The following TRIM67 variants were observed in gnomAD, a reference collection of about 807,000 sequenced individuals.
TRIM67 encodes tripartite motif-containing protein 67.
Under a neutral mutation model 71.0 loss-of-function variants are expected in TRIM67, and 39 were observed. The observed-to-expected ratio is 0.55, with a 90% confidence interval of 0.43 to 0.72. The LOEUF is 0.72. TRIM67 is among the 30% of genes least tolerant of loss of function. The pLI, the probability that TRIM67 is intolerant of heterozygous loss-of-function variation, is 0.00. For missense variants in TRIM67, 973 were observed against 1,079.2 expected (o/e 0.90, Z 1.38); for synonymous variants, 481 against 473.9 (o/e 1.01, Z -0.19).
At chr1:231,197,596 C>G (rs570500629) in intron 2 of TRIM67, 130 bp downstream of exon 2, 49 of 707,342 alleles carry the variant, frequency 6.9e-5, no homozygotes, top group Non-Finnish European at 7.0e-5. Context: ...GAGGCCGAGG[C>G]GGGCAGATCA....
chr1:231,201,582 C>T, intron 5 of TRIM67, 65 bp downstream of exon 5: 1 of 1,546,378 alleles, frequency 6.5e-7, no homozygotes, highest in Non-Finnish European at 8.7e-7. Context: ...GTCTGAGGGG[C>T]CAGCTCGGTG....
At chr1:231,187,003 T>C (rs80273715) in intron 1 of TRIM67, among the ~76,000 whole-genome samples, 4,109 of 152,234 alleles carry the variant, frequency 0.027, 175 homozygotes, top group East Asian at 0.19. Flanking sequence ...GCAAGGCTAA[T>C]GAGGATGCCC....
In TRIM67 at chr1:231,162,825, C is replaced by T; in HGVS notation, c.-145C>T. On this transcript the variant is annotated 5_prime_UTR_variant, in exon 1 of 10. Transcript: ENST00000366653. ...GCTACAGGACAGAGAGAGGGGCGTG[C>T]CCCTCGGCTGTGAAGTGGGCATGCC... The T allele has an allele frequency of 3.8e-6, 4 of 1,043,778 alleles. No individual in the cohort carries two copies. Among genetic ancestry groups the T allele is most frequent in the South Asian group, 1.6e-5 (1 of 61,982 alleles). 64.7% of individuals were successfully genotyped at this position (1,043,778 alleles called of 1,614,324 possible).
intron 7 of TRIM67, among the ~76,000 whole-genome samples, chr1:231,207,765 C>T (rs1054686508): frequency 2.6e-5 from 4 of 152,190 alleles, no homozygotes; most frequent in Non-Finnish European, 4.4e-5. Context: ...TCGCTAGCTT[C>T]TGCCTCTAGA....
At chr1:231,203,485 C>G (rs369926519) in intron 5 of TRIM67, among the ~76,000 whole-genome samples, 17 of 152,334 alleles carry the variant, frequency 1.1e-4, no homozygotes, top group African/African-American at 3.8e-4. Flanking sequence ...GCACAGGGAG[C>G]CTGGACTCTG....
intron 3 of TRIM67, 103 bp from the exon 4 acceptor site, chr1:231,200,043 GCC>G: frequency 6.2e-6 from 5 of 806,820 alleles, no homozygotes; most frequent in Admixed American, 1.8e-5. Flanking sequence ...CCAGGCCAGC[GCC>G]GCCTCTTCCA....
At chr1:231,213,534 C>G (rs887106650) in intron 8 of TRIM67, among the ~76,000 whole-genome samples, 4 of 152,162 alleles carry the variant, frequency 2.6e-5, no homozygotes, top group Admixed American at 6.5e-5. Flanking sequence ...CAAGACCAGC[C>G]TGGGTAACAT....
At chr1:231,208,136 G>A (rs1173822981) in intron 7 of TRIM67, among the ~76,000 whole-genome samples, 1 of 150,428 alleles carries the variant, frequency 6.6e-6, no homozygotes, top group East Asian at 1.9e-4. Context: ...AGCCTCCCAA[G>A]CAGCTGGGAC....
chr1:231,179,949 C>T (rs1682855586), intron 1 of TRIM67, among the ~76,000 whole-genome samples: 1 of 152,122 alleles, frequency 6.6e-6, no homozygotes, highest in Non-Finnish European at 1.5e-5. Flanking sequence ...GGAGAGATGG[C>T]AGGTTTCAAA....
chr1:231,187,783 G>T (rs1334995451), intron 1 of TRIM67, among the ~76,000 whole-genome samples: 1 of 152,224 alleles, frequency 6.6e-6, no homozygotes, highest in Non-Finnish European at 1.5e-5. Context: ...TCCACGCCAG[G>T]CACAAAGGAG....
At chr1:231,201,619 G>A in intron 5 of TRIM67, 102 bp downstream of exon 5, 2 of 1,384,982 alleles carry the variant, frequency 1.4e-6, no homozygotes, top group South Asian at 2.8e-5. Flanking sequence ...GATGCACGGA[G>A]TGTGGCAGGG....
chr1:231,187,586 C>A (rs1455833925), intron 1 of TRIM67: 1 of 1,529,268 alleles, frequency 6.5e-7, no homozygotes, highest in Non-Finnish European at 8.7e-7. Flanking sequence ...CTCCTTTGTG[C>A]CCAATGATGG....
chr1:231,185,103 G>C (rs1282845314), intron 1 of TRIM67: 1 of 1,532,860 alleles, frequency 6.5e-7, no homozygotes, highest in Non-Finnish European at 8.7e-7. Flanking sequence ...GTCACCATCT[G>C]CTGGCTCCTA....
intron 1 of TRIM67, among the ~76,000 whole-genome samples, chr1:231,175,337 A>G (rs887458371): frequency 2.6e-5 from 4 of 152,254 alleles, no homozygotes; most frequent in African/African-American, 9.6e-5. Context: ...CAAAGGCAGG[A>G]AGACCCTGCA....
In TRIM67 at chr1:231,170,497, A is replaced by G. The variant is rs567359468; in HGVS notation, c.1044+6484A>G. 3.9e-5 allele frequency among the ~76,000 whole-genome samples: 6 copies of G among 152,314 alleles called. No individual in the cohort carries two copies. In the South Asian group the frequency reaches 1.0e-3, roughly 26 times the overall value. On this transcript the variant is annotated intron_variant, in intron 1 of 9. Transcript: ENST00000366653. ...CTGTCACTATTCATGAATATATTTC[A>G]TAATGTTTGCTGTGGTGGTCACTGT...
intron 1 of TRIM67, among the ~76,000 whole-genome samples, chr1:231,183,369 C>G (rs2102729157): frequency 6.6e-6 from 1 of 152,176 alleles, no homozygotes; most frequent in Non-Finnish European, 1.5e-5. Flanking sequence ...GAGGTTGAGG[C>G]AAGAGGATCA....
At chr1:231,204,186 G>A (rs891440737) in intron 6 of TRIM67, among the ~76,000 whole-genome samples, 174 bp downstream of exon 6, 3 of 152,350 alleles carry the variant, frequency 2.0e-5, no homozygotes, top group Non-Finnish European at 2.9e-5. Context: ...CCTCCCAAGG[G>A]CTAGGTCTGG....
At position 231,163,245 on chromosome 1, in the gene TRIM67, G is replaced by C. The variant is rs564171401; in HGVS notation, c.276G>C (p.Ala92=). 19 of 1,507,070 alleles carry C rather than the reference G, an allele frequency of 1.3e-5. No individual in the cohort carries two copies. In the African/African-American group the frequency reaches 2.2e-4, roughly 17 times the overall value. The allele number at this position is 1,507,070 out of a possible 1,614,324, so 93.4% of individuals were successfully genotyped here. A position where few individuals can be genotyped will look rare whatever the true frequency, so the allele number is the denominator to read the frequency against. The change falls in exon 1 of 10, where the codon GCG becomes GCC. Residue 92 remains alanine, a synonymous_variant. Coordinates refer to ENST00000366653, the MANE Select transcript of TRIM67 (RefSeq NM_001004342.5). The part of the protein sequence containing the change: ...GSAAGGLGGG[A]GGGGDHADKL... ...CAGCTGGCGGCCTCGGCGGCGGTGC[G>C]GGAGGTGGCGGAGACCACGCGGACA...
Position 231,163,606 on chromosome 1 carries a change from C to A in TRIM67, c.637C>A (p.Arg213Ser). Residue 213 changes from arginine to serine, a missense_variant, in exon 1 of 10, where the codon CGC becomes AGC. Around this residue, in one of 2 missense-constraint regions of TRIM67, gnomAD observed 795 missense variants for 831.3 expected, o/e 0.96. Coordinates refer to ENST00000366653, the MANE Select transcript of TRIM67 (RefSeq NM_001004342.5). Reference sequence around the variant, plus strand: ...GGTGGCCATCTGCCAGCTGTGCGACCGCACCCCGCCAGAGCCAGCAGCCAC... The same window carrying A: ...GGTGGCCATCTGCCAGCTGTGCGACAGCACCCCGCCAGAGCCAGCAGCCAC... ...AAVAICQLCD[R>S]TPPEPAATLC... The A allele has an allele frequency of 6.6e-7, 1 of 1,517,524 alleles. No homozygotes were observed. The highest frequency in any genetic ancestry group is 8.8e-7 in the Non-Finnish European group (1 of 1,136,808). The allele number at this position is 1,517,524 out of a possible 1,614,324, so 94.0% of individuals were successfully genotyped here.
Sources: allele counts gnomAD v4.1 joint callset (sites outside exome capture counted in the v4.1 genomes callset), GRCh38; gene constraint gnomAD v4.1.1; regional missense constraint gnomAD v4.1.1; transcripts MANE v1.5; gene names NCBI Gene and HGNC (gene_info 2026-07-23, HGNC 2026-07-21).